The following LPP variants were observed in gnomAD, a reference collection of about 807,000 sequenced individuals.
The protein encoded by LPP is LIM domain containing preferred translocation partner in lipoma.
LPP carries 38 observed loss-of-function variants against 60.4 expected under a neutral mutation model. The observed-to-expected ratio is 0.63, with a 90% CI of 0.49 to 0.83. The LOEUF (loss-of-function observed/expected upper bound fraction) is 0.83. Among genes scored for constraint, LPP ranks in the 40% least tolerant of loss-of-function variants. LPP has a pLI of 0.00. For synonymous variants in LPP, 328 were observed against 290.8 expected (o/e 1.13, Z -1.30); for missense variants, 902 against 783.6 (o/e 1.15, Z -1.80).
intron 9 of LPP, among the ~76,000 whole-genome samples, chr3:188,765,280 CTCTT>C (rs1347408281): frequency 1.4e-5 from 2 of 144,548 alleles, no homozygotes; most frequent in African/African-American, 5.2e-5. Flanking sequence ...CCTCTTGTCT[CTCTT>C]TCTGTCTCAC....
intron 9 of LPP, among the ~76,000 whole-genome samples, chr3:188,863,781 T>C (rs908911660): frequency 6.6e-6 from 1 of 152,140 alleles, no homozygotes; most frequent in African/African-American, 2.4e-5. Flanking sequence ...TTGTATTACC[T>C]GTTCTTTGAA....
chr3:188,232,731 A>G (rs1254220338), intron 2 of LPP, among the ~76,000 whole-genome samples: 5 of 152,116 alleles, frequency 3.3e-5, no homozygotes, highest in Admixed American at 3.3e-4. Context: ...ATAGAGTTTT[A>G]GTTGGACAAG....
At chr3:188,607,403 A>G (rs1230725916) in intron 6 of LPP, among the ~76,000 whole-genome samples, 1 of 28,964 alleles carries the variant, frequency 3.5e-5, no homozygotes, top group African/African-American at 9.0e-5. Flanking sequence ...ATATATATAT[A>G]TATATATATA....
At chr3:188,587,062 G>GAAGACTGGA (rs1580191977) in intron 6 of LPP, among the ~76,000 whole-genome samples, 2 of 13,740 alleles carry the variant, frequency 1.5e-4, no homozygotes, top group African/African-American at 4.8e-4. Context: ...TTGGCGCTCT[G>GAAGACTGGA]GCCGGGCGCG....
rs148253345 is a variant in LPP at position 188,513,351 on chromosome 3, T to C, written c.307-11314T>C. On this transcript the variant is annotated intron_variant, in intron 5 of 11. Transcript: ENST00000617246. ...AAACTATTAATTTCTTAGAATTGCT[T>C]CAGGAAATATTACTAAAGGAGATGG... 4.6e-5 allele frequency among the ~76,000 whole-genome samples: 7 copies of C among 152,292 alleles called. No individual in the cohort carries two copies. In the East Asian group the frequency reaches 1.4e-3, roughly 29 times the overall value.
In LPP at chr3:188,406,319, T is replaced by C. The variant is rs764508629; in HGVS notation, c.193+6T>C. The C allele has an allele frequency of 1.2e-6, 2 of 1,611,652 alleles. No individual in the cohort carries two copies. Among genetic ancestry groups the C allele is most frequent in the African/African-American group, 2.7e-5 (2 of 74,858 alleles). On this transcript the variant is annotated splice_donor_region_variant and intron_variant, in intron 4 of 11. Transcript: ENST00000617246. ...CAAACAACCTGGAGGTGAGGGTAAG[T>C]GCTGGGATTTCAGAGTTGGTTACTT...
At chr3:188,561,285 T>A (rs550999210) in intron 6 of LPP, among the ~76,000 whole-genome samples, 10 of 152,184 alleles carry the variant, frequency 6.6e-5, no homozygotes, top group African/African-American at 1.2e-4. Flanking sequence ...GAACTTTTTT[T>A]AAAAAACGTG....
intron 6 of LPP, among the ~76,000 whole-genome samples, chr3:188,535,344 T>C (rs565617469): frequency 6.6e-6 from 1 of 152,316 alleles, no homozygotes; most frequent in South Asian, 2.1e-4. Context: ...TCGGTTTGCA[T>C]AACAAAGAAA....
chr3:188,491,270 A>C (rs1002174473), intron 5 of LPP, among the ~76,000 whole-genome samples: 13 of 152,200 alleles, frequency 8.5e-5, no homozygotes, highest in Admixed American at 8.5e-4. Context: ...GGTTAGTGTG[A>C]TAAAGGAGGA....
chr3:188,701,020 G>A, intron 7 of LPP, among the ~76,000 whole-genome samples: 1 of 152,142 alleles, frequency 6.6e-6, no homozygotes, highest in Non-Finnish European at 1.5e-5. Flanking sequence ...CTTAAAGGCA[G>A]AACTAAGATT....
At chr3:188,485,556 G>A (rs562908622) in intron 5 of LPP, among the ~76,000 whole-genome samples, 17 of 152,062 alleles carry the variant, frequency 1.1e-4, no homozygotes, top group South Asian at 4.1e-4. Flanking sequence ...CCAGCACTTC[G>A]GGAGGCCGAG....
chr3:188,341,415 A>G (rs1282394827), intron 2 of LPP, among the ~76,000 whole-genome samples: 5 of 152,188 alleles, frequency 3.3e-5, no homozygotes, highest in Non-Finnish European at 5.9e-5. Flanking sequence ...AAAGTTAATC[A>G]TGAGGATGGT....
chr3:188,634,667 A>G (rs1326340725), intron 7 of LPP, among the ~76,000 whole-genome samples: 2 of 152,200 alleles, frequency 1.3e-5, no homozygotes, highest in African/African-American at 4.8e-5. Flanking sequence ...TGCGAGGGAT[A>G]TATTTTGCGT....
intron 3 of LPP, among the ~76,000 whole-genome samples, chr3:188,370,764 G>C (rs1450889258): frequency 1.3e-5 from 2 of 152,130 alleles, no homozygotes; most frequent in Non-Finnish European, 1.5e-5. Context: ...GCTGTGGCAT[G>C]AATCTGGACA....
At chr3:188,669,931 G>A (rs995922014) in intron 7 of LPP, among the ~76,000 whole-genome samples, 1 of 152,158 alleles carries the variant, frequency 6.6e-6, no homozygotes, top group Non-Finnish European at 1.5e-5. Flanking sequence ...CCATAAAAAA[G>A]GATGAGTTCA....
chr3:188,509,292 T>C (rs1331110354), intron 5 of LPP, among the ~76,000 whole-genome samples: 1 of 152,210 alleles, frequency 6.6e-6, no homozygotes, highest in Non-Finnish European at 1.5e-5. Flanking sequence ...TACTACCTTA[T>C]TTCACCTGGT....
chr3:188,241,119 A>G (rs1577486934), intron 2 of LPP, among the ~76,000 whole-genome samples: 1 of 152,328 alleles, frequency 6.6e-6, no homozygotes, highest in South Asian at 2.1e-4. Context: ...TGTTCCACGT[A>G]GTGGCTGCAA....
At chr3:188,776,601 T>C (rs1460324869) in intron 9 of LPP, among the ~76,000 whole-genome samples, 3 of 152,200 alleles carry the variant, frequency 2.0e-5, no homozygotes, top group African/African-American at 7.2e-5. Flanking sequence ...AAAATTCCTT[T>C]GTTTTGAAGC....
intron 6 of LPP, among the ~76,000 whole-genome samples, chr3:188,570,193 A>G (rs1833213659): frequency 6.6e-6 from 1 of 152,072 alleles, no homozygotes; most frequent in Admixed American, 6.6e-5. Context: ...CATTGGTCAA[A>G]GGCATATGAG....
Sources: allele counts gnomAD v4.1 joint callset (sites outside exome capture counted in the v4.1 genomes callset), GRCh38; gene constraint gnomAD v4.1.1; transcripts MANE v1.5; gene names NCBI Gene and HGNC (gene_info 2026-07-23, HGNC 2026-07-21).